Variants in REC114 observed in about 807,000 individuals in gnomAD.
The protein encoded by REC114 is REC114 meiotic recombination protein, also known as meiotic recombination protein REC114.
REC114 carries 27 observed loss-of-function variants against 31.3 expected under a neutral mutation model. The observed-to-expected ratio is 0.86, with a 90% CI of 0.64 to 1.19. REC114 has a LOEUF of 1.19. Ranked by LOEUF, REC114 falls within the 50% of genes most tolerant of loss-of-function variation. The probability of loss-of-function intolerance (pLI) is 0.00; values close to 1 mark genes in which losing one functional copy is unlikely to be tolerated. For synonymous variants in REC114, 134 were observed against 127.7 expected (o/e 1.05, Z -0.33); for missense variants, 344 against 326.9 (o/e 1.05, Z -0.40).
At position 73,455,814 on chromosome 15, in the gene REC114, A is replaced by G. The variant is rs181001935; in HGVS notation, c.159+12470A>G. On this transcript the variant is annotated intron_variant, in intron 1 of 5. Transcript: ENST00000331090. ...CCAGACCTTAATGTGCATAGAAATC[A>G]TCTGAGGGTTTTGTTAAAAATGCAA... Among the ~76,000 whole-genome samples the G allele has an allele frequency of 1.2e-3, 185 of 152,268 alleles. 2 individuals carry two copies. The highest frequency in any genetic ancestry group is 3.5e-3 in the Admixed American group (53 of 15,292).
chr15:73,457,388 C>G (rs183334136), intron 1 of REC114, among the ~76,000 whole-genome samples: 1 of 152,166 alleles, frequency 6.6e-6, no homozygotes, highest in South Asian at 2.1e-4. Context: ...GGAGGAGGTT[C>G]TGCAAGTGTC....
chr15:73,477,008 C>T (rs1350082730), intron 2 of REC114, among the ~76,000 whole-genome samples: 1 of 152,226 alleles, frequency 6.6e-6, no homozygotes, highest in Non-Finnish European at 1.5e-5. Context: ...ACATGTTCCA[C>T]ATCCTCACCA....
At chr15:73,500,964 T>G (rs1371852056) in intron 2 of REC114, among the ~76,000 whole-genome samples, 1 of 152,106 alleles carries the variant, frequency 6.6e-6, no homozygotes, top group Non-Finnish European at 1.5e-5. Flanking sequence ...CTTATGTATT[T>G]AGGGAGGAGT....
At chr15:73,518,448 C>T (rs1893892233) in intron 2 of REC114, among the ~76,000 whole-genome samples, 1 of 152,226 alleles carries the variant, frequency 6.6e-6, no homozygotes, top group Admixed American at 6.5e-5. Flanking sequence ...ATAAATAACC[C>T]TAATGGAAAG....
At chr15:73,526,504 T>C (rs1215616431) in intron 2 of REC114, among the ~76,000 whole-genome samples, 9 of 152,136 alleles carry the variant, frequency 5.9e-5, no homozygotes, top group Non-Finnish European at 2.9e-5. Flanking sequence ...TGTTGTAGGG[T>C]TTACAATATA....
intron 2 of REC114, among the ~76,000 whole-genome samples, chr15:73,538,549 C>T (rs975347771): frequency 6.6e-6 from 1 of 151,172 alleles, no homozygotes; most frequent in African/African-American, 2.4e-5. Flanking sequence ...CTTTGCCTCC[C>T]GGGTTCACGC....
chr15:73,447,152 A>G (rs577752531), intron 1 of REC114, among the ~76,000 whole-genome samples: 1 of 152,314 alleles, frequency 6.6e-6, no homozygotes, highest in East Asian at 1.9e-4. Flanking sequence ...GAGGAGGAAC[A>G]GTGAGGGAAA....
chr15:73,478,216 A>G (rs1467069390), intron 2 of REC114, among the ~76,000 whole-genome samples: 1 of 142,772 alleles, frequency 7.0e-6, no homozygotes, highest in African/African-American at 2.7e-5. Context: ...GTGACCCGAC[A>G]CGGTGCCACT....
rs1892833231 is a variant in REC114 at position 73,450,703 on chromosome 15, C to T, written c.159+7359C>T. On this transcript the variant is annotated intron_variant, in intron 1 of 5. Transcript: ENST00000331090. ...ATACATTCTTCTCAGCACCACATCA[C>T]ACTTATTCTAAAATTGACCACATAA... 2.0e-5 allele frequency among the ~76,000 whole-genome samples: 3 copies of T among 152,224 alleles called. No individual in the cohort carries two copies. In the South Asian group the frequency reaches 6.2e-4, roughly 31 times the overall value.
intron 1 of REC114, 63 bp from the exon 2 acceptor site, chr15:73,473,769 G>T: frequency 2.2e-6 from 2 of 914,944 alleles, no homozygotes; most frequent in East Asian, 5.4e-5. Flanking sequence ...CATCAGTATT[G>T]TAAGTTTATC....
chr15:73,530,298 T>A (rs1410487085), intron 2 of REC114, among the ~76,000 whole-genome samples: 1 of 152,252 alleles, frequency 6.6e-6, no homozygotes, highest in Non-Finnish European at 1.5e-5. Flanking sequence ...CTATCTATCT[T>A]ATTATTCCCT....
At chr15:73,482,259 G>A (rs1044409275) in intron 2 of REC114, among the ~76,000 whole-genome samples, 1 of 152,186 alleles carries the variant, frequency 6.6e-6, no homozygotes, top group Non-Finnish European at 1.5e-5. Flanking sequence ...CCTGTAGGAG[G>A]TGTATCCCTC....
chr15:73,526,732 G>A lies in REC114; in HGVS notation c.250-13753G>A, dbSNP rs549565662. Among the ~76,000 whole-genome samples, 315 of 151,976 alleles carry A rather than the reference G, an allele frequency of 2.1e-3. 1 individual carries two copies. Among genetic ancestry groups the A allele is most frequent in the South Asian group, 0.011 (54 of 4,814 alleles). On this transcript the variant is annotated intron_variant, in intron 2 of 5. Coordinates refer to ENST00000331090, the MANE Select transcript of REC114 (RefSeq NM_001042367.2). ...TTTCTGTTGACTCATTTTTCTCAAGGCTACTAGTCATTGTTGCTGGTTTTT... is the reference window on the plus strand; with the variant it reads ...TTTCTGTTGACTCATTTTTCTCAAGACTACTAGTCATTGTTGCTGGTTTTT...
rs150594122 is a variant in REC114, at chr15:73,553,380, A to T, written c.546+2230A>T. 5.0e-3 allele frequency among the ~76,000 whole-genome samples: 766 copies of T among 152,270 alleles called. 6 individuals carry two copies. The highest frequency in any genetic ancestry group is 9.2e-3 in the Non-Finnish European group (628 of 68,020). ...TTCAGCTCCTGCTATATTCCTTAAG[A>T]ATCCCCTCCCTACAAATGGGTTGGT... is the stretch of plus-strand genomic sequence containing the variant. On this transcript the variant is annotated intron_variant, in intron 4 of 5. Coordinates refer to ENST00000331090, the MANE Select transcript of REC114 (RefSeq NM_001042367.2).
At chr15:73,536,676 G>C (rs1894160895) in intron 2 of REC114, among the ~76,000 whole-genome samples, 1 of 152,168 alleles carries the variant, frequency 6.6e-6, no homozygotes, top group South Asian at 2.1e-4. Flanking sequence ...TGTATGGCAA[G>C]TGGTTAGACA....
chr15:73,555,256 CTGTATTGCACCA>C (rs1351687449), intron 4 of REC114, among the ~76,000 whole-genome samples: 3 of 152,146 alleles, frequency 2.0e-5, no homozygotes, highest in Non-Finnish European at 4.4e-5. Flanking sequence ...TGTTTCCTCC[CTGTATTGCACCA>C]TGAGCTCATA....
rs569375743 is a variant in REC114 at position 73,485,284 on chromosome 15, G to A, written c.249+11363G>A. ...TTTTTAGTAGAGACAGGGTTTCACC[G>A]TGTTGGCCAGGATGGTCTCGATCTC... On this transcript the variant is annotated intron_variant, in intron 2 of 5. Transcript: ENST00000331090. Among the ~76,000 whole-genome samples, 11 of 152,126 alleles carry A rather than the reference G, an allele frequency of 7.2e-5. No individual in the cohort carries two copies. In the South Asian group the frequency reaches 8.3e-4, roughly 12 times the overall value.
At chr15:73,486,405 T>G (rs1208191676) in intron 2 of REC114, among the ~76,000 whole-genome samples, 1 of 152,164 alleles carries the variant, frequency 6.6e-6, no homozygotes, top group Non-Finnish European at 1.5e-5. Context: ...CACCATACCT[T>G]TCTTATCTTC....
intron 2 of REC114, among the ~76,000 whole-genome samples, chr15:73,494,626 T>C (rs1893493004): frequency 6.6e-6 from 1 of 152,356 alleles, no homozygotes; most frequent in African/African-American, 2.4e-5. Context: ...ATAACAGTTA[T>C]GCAGCTTTCT....
Sources: gnomAD v4.1 joint callset for allele counts (sites outside exome capture counted in the v4.1 genomes callset) on GRCh38, gnomAD v4.1.1 for gene constraint, MANE v1.5 for transcripts, NCBI Gene and HGNC (gene_info 2026-07-23, HGNC 2026-07-21) for gene names.